LRRK2: variants seen among roughly 807,000 people sequenced by gnomAD.
LRRK2 encodes leucine rich repeat kinase 2.
Under a neutral mutation model 302.6 loss-of-function variants are expected in LRRK2, and 203 were observed. The ratio of observed to expected loss-of-function variants is 0.67; its 90% CI spans 0.60 to 0.75. The LOEUF (loss-of-function observed/expected upper bound fraction) is 0.75. Ranked by LOEUF, LRRK2 falls within the 30% of genes least tolerant of loss-of-function variation. The pLI is 0.00. For missense variants in LRRK2, 2,830 were observed against 2,951.0 expected (o/e 0.96, Z 0.95); for synonymous variants, 1,066 against 1,031.9 (o/e 1.03, Z -0.63).
At chr12:40,272,954 G>A (rs931145948) in intron 14 of LRRK2, among the ~76,000 whole-genome samples, 3 of 152,088 alleles carry the variant, frequency 2.0e-5, no homozygotes, top group East Asian at 1.9e-4. Flanking sequence ...AAAGTCTCTC[G>A]TTAACTCTTG....
chr12:40,327,463 T>C (rs1945588504), intron 38 of LRRK2, among the ~76,000 whole-genome samples: 1 of 152,116 alleles, frequency 6.6e-6, no homozygotes, highest in African/African-American at 2.4e-5. Context: ...TCCTCAGATG[T>C]ACTATTCAGC....
At chr12:40,282,112 TCCCTCCCCTCCCCTC>T (rs1160837095) in intron 18 of LRRK2, among the ~76,000 whole-genome samples, 13 of 43,340 alleles carry the variant, frequency 3.0e-4, no homozygotes, top group Non-Finnish European at 4.5e-4. Flanking sequence ...CCCCTTCTCT[TCCCTCCCCTCCCCTC>T]CCCTCCCCTC....
intron 7 of LRRK2, among the ~76,000 whole-genome samples, chr12:40,249,541 T>C (rs1416813621): frequency 6.6e-6 from 1 of 152,166 alleles, no homozygotes; most frequent in African/African-American, 2.4e-5. Context: ...GTCACAGACA[T>C]GACATGAGAG....
intron 48 of LRRK2, 24 bp downstream of exon 48, chr12:40,363,578 T>C: frequency 6.2e-7 from 1 of 1,607,998 alleles, no homozygotes; most frequent in Non-Finnish European, 8.5e-7. Context: ...TTTTTAATTT[T>C]ATTCCCAAAA....
chr12:40,240,763 C>A, intron 6 of LRRK2, 146 bp downstream of exon 6: 1 of 868,170 alleles, frequency 1.2e-6, no homozygotes, highest in Non-Finnish European at 1.8e-6. Context: ...AATTAATTTA[C>A]ATTCACTGAC....
At chr12:40,301,574 T>TA (rs1347944954) in intron 25 of LRRK2, among the ~76,000 whole-genome samples, 14 of 152,288 alleles carry the variant, frequency 9.2e-5, no homozygotes, top group Admixed American at 2.6e-4. Flanking sequence ...ATAGGTGAGG[T>TA]ATAATAGCTA....
intron 23 of LRRK2, among the ~76,000 whole-genome samples, chr12:40,296,110 T>G (rs1269291057): frequency 6.6e-6 from 1 of 152,182 alleles, no homozygotes; most frequent in Non-Finnish European, 1.5e-5. Context: ...AAATGATTAC[T>G]GAAAGTTTTT....
chr12:40,302,287 C>T (rs1170212683), intron 25 of LRRK2, among the ~76,000 whole-genome samples: 1 of 152,040 alleles, frequency 6.6e-6, no homozygotes, highest in Non-Finnish European at 1.5e-5. Flanking sequence ...TTCCCAATCT[C>T]TTAAGATTAT....
intron 40 of LRRK2, among the ~76,000 whole-genome samples, chr12:40,335,587 C>T (rs1945845237): frequency 6.6e-6 from 1 of 152,168 alleles, no homozygotes; most frequent in African/African-American, 2.4e-5. Context: ...GCACACCTAA[C>T]CCTGCATCCA....
chr12:40,285,110 G>A (rs1286147980), intron 19 of LRRK2, among the ~76,000 whole-genome samples: 1 of 151,980 alleles, frequency 6.6e-6, no homozygotes, highest in Non-Finnish European at 1.5e-5. Flanking sequence ...TCTTTTTCCA[G>A]TGTTACTCTC....
In LRRK2 at chr12:40,232,381, C is replaced by T; in HGVS notation, c.345C>T (p.His115=). Residue 115 remains histidine, a splice_region_variant and synonymous_variant, in exon 3 of 51, where the codon CAC becomes CAT. Transcript: ENST00000298910. ...ATGATTGGGAAGTCCTTGGTGTTCA[C>T]CAGTAAGTATGATAGATATGTAAAA... ...VGNDWEVLGV[H]QLILKMLTVH... The T allele has an allele frequency of 6.2e-7, 1 of 1,607,992 alleles. No homozygotes were observed. Among genetic ancestry groups the T allele is most frequent in the Non-Finnish European group, 8.5e-7 (1 of 1,174,506 alleles).
chr12:40,251,296 G>A lies in LRRK2; in HGVS notation c.1023G>A (p.Glu341=). 1 of 1,612,498 alleles carries A rather than the reference G, an allele frequency of 6.2e-7. No homozygotes were observed. Among genetic ancestry groups the A allele is most frequent in the Non-Finnish European group, 8.5e-7 (1 of 1,178,978 alleles). Residue 341 remains glutamate, a synonymous_variant, in exon 9 of 51, where the codon GAG becomes GAA. Transcript: ENST00000298910. ...ATGAGAATCAAGAGAATGATGATGA[G>A]GGGGAAGAAGATAAATTGTTTTGGC... is the stretch of plus-strand genomic sequence containing the variant. ...EKNENQENDD[E]GEEDKLFWLE...
rs2404832 is a variant in LRRK2, at chr12:40,328,650, A to G, written c.5757+190A>G. The stretch of plus-strand genomic sequence containing the variant: ...GTTATTTCTCCTGTTGAGAAACAAA[A>G]CACTGTATCTGAGAATCCTTATAAT... On this transcript the variant is annotated intron_variant, in intron 39 of 50. Transcript: ENST00000298910. Among the ~76,000 whole-genome samples the G allele has an allele frequency of 0.43, 64,663 of 152,096 alleles. 14,813 individuals carry two copies. Among genetic ancestry groups the G allele is most frequent in the African/African-American group, 0.59 (24,345 of 41,486 alleles).
At chr12:40,248,996 G>A (rs534217711) in intron 7 of LRRK2, among the ~76,000 whole-genome samples, 16 of 152,316 alleles carry the variant, frequency 1.1e-4, no homozygotes, top group African/African-American at 3.8e-4. Flanking sequence ...TTTTGATTGT[G>A]AGGCCGTTGA....
At chr12:40,353,460 G>A (rs939954013) in intron 44 of LRRK2, among the ~76,000 whole-genome samples, 72 of 150,906 alleles carry the variant, frequency 4.8e-4, no homozygotes, top group African/African-American at 1.6e-3. Flanking sequence ...CTTCCTAGAC[G>A]GGATGGCGGC....
intron 28 of LRRK2, among the ~76,000 whole-genome samples, chr12:40,308,051 A>T (rs1944894307): frequency 6.6e-6 from 1 of 151,974 alleles, no homozygotes; most frequent in South Asian, 2.1e-4. Context: ...AAATGCAGGG[A>T]TTACAGGTGC....
rs200965490 is a variant in LRRK2 at position 40,299,238 on chromosome 12, T to G, written c.3477T>G (p.Ser1159Arg). ...CTTGTCCTAAAGTGGAGAGTTTCAG[T>G]GCCAGAATGAATTTTCTTGGTAAGT... ...LEACPKVESF[S>R]ARMNFLAAMP... The change falls in exon 25 of 51, where the codon AGT becomes AGG. Residue 1159 changes from serine to arginine, a missense_variant. Coordinates refer to ENST00000298910, the MANE Select transcript of LRRK2 (RefSeq NM_198578.4). The G allele has an allele frequency of 8.7e-6, 14 of 1,613,338 alleles. No homozygotes were observed.
chr12:40,285,002 A>G (rs983202877), intron 19 of LRRK2, among the ~76,000 whole-genome samples: 4 of 152,174 alleles, frequency 2.6e-5, no homozygotes, highest in African/African-American at 9.7e-5. Flanking sequence ...TGGTGCCTTT[A>G]TACATCAAGG....
intron 18 of LRRK2, among the ~76,000 whole-genome samples, chr12:40,280,502 A>C (rs1176421346): frequency 6.6e-6 from 1 of 151,344 alleles, no homozygotes; most frequent in Non-Finnish European, 1.5e-5. Context: ...GTACCTGCTT[A>C]TAGTCCCAGC....
Sources: allele counts gnomAD v4.1 joint callset (sites outside exome capture counted in the v4.1 genomes callset), GRCh38; gene constraint gnomAD v4.1.1; transcripts MANE v1.5; gene names NCBI Gene and HGNC (gene_info 2026-07-23, HGNC 2026-07-21).